CSMD1: variants seen among roughly 807,000 people sequenced by gnomAD.
CSMD1 encodes CUB and sushi domain-containing protein 1.
A neutral mutation model predicts 417.5 loss-of-function variants in CSMD1; 213 were observed. That is an observed-to-expected ratio of 0.51 (90% CI 0.46 to 0.57). CSMD1 has a LOEUF of 0.57. Among genes scored for constraint, CSMD1 ranks in the 20% least tolerant of loss-of-function variants. The pLI is 0.00. For missense variants in CSMD1, 6,923 were observed against 4,529.7 expected, an observed-to-expected ratio of 1.53 and a Z score of -15.17; for synonymous variants, 2,862 against 1,736.8, an observed-to-expected ratio of 1.65 and a Z score of -16.11.
At chr8:3,908,169 C>G (rs986646545) in intron 5 of CSMD1, among the ~76,000 whole-genome samples, 1 of 152,120 alleles carries the variant, frequency 6.6e-6, no homozygotes, top group Non-Finnish European at 1.5e-5. Context: ...ATTTATGCAT[C>G]AATGACCATG....
chr8:3,346,768 G>A (rs568453690), intron 22 of CSMD1, among the ~76,000 whole-genome samples: 2 of 152,298 alleles, frequency 1.3e-5, no homozygotes, highest in South Asian at 2.1e-4. Context: ...TATTCTCTTA[G>A]AAGTCTCATA....
intron 1 of CSMD1, among the ~76,000 whole-genome samples, chr8:4,864,909 C>A (rs1802339926): frequency 6.6e-6 from 1 of 150,570 alleles, no homozygotes; most frequent in Non-Finnish European, 1.5e-5. Flanking sequence ...CACACACACA[C>A]ACACTTGATA....
intron 3 of CSMD1, among the ~76,000 whole-genome samples, chr8:4,226,225 C>A (rs1407178512): frequency 6.6e-6 from 1 of 151,772 alleles, no homozygotes; most frequent in African/African-American, 2.4e-5. Flanking sequence ...TGAAAGGATC[C>A]CAGCAAAAAC....
At position 2,966,555 on chromosome 8, in the gene CSMD1, T is replaced by A; in HGVS notation, c.9100+15A>T. ...ATAGTAACGTCTGAGTCTACCATGA[T>A]GTCTGCTTACTAACTTGTGCAGTCG... On this transcript the variant is annotated intron_variant, in intron 58 of 69. Transcript: ENST00000635120. 6.2e-7 allele frequency: 1 copy of A among 1,609,536 alleles called. No individual in the cohort carries two copies. The highest frequency in any genetic ancestry group is 8.5e-7 in the Non-Finnish European group (1 of 1,176,452).
At chr8:3,257,503 C>T (rs986302801) in intron 26 of CSMD1, among the ~76,000 whole-genome samples, 22 of 152,190 alleles carry the variant, frequency 1.4e-4, no homozygotes, top group African/African-American at 3.9e-4. Context: ...AGTGACAGTG[C>T]GTTGGGATAA....
At chr8:4,070,510 AC>A (rs1799493442) in intron 3 of CSMD1, among the ~76,000 whole-genome samples, 1 of 152,026 alleles carries the variant, frequency 6.6e-6, no homozygotes, top group Non-Finnish European at 1.5e-5. Flanking sequence ...GGCGCCCGCC[AC>A]CACGGCCGGC....
At chr8:4,735,049 A>T (rs1226224056) in intron 1 of CSMD1, among the ~76,000 whole-genome samples, 2 of 152,246 alleles carry the variant, frequency 1.3e-5, no homozygotes, top group Non-Finnish European at 2.9e-5. Context: ...AGAACAAGTC[A>T]GTTCAGTAGA....
chr8:3,482,655 G>A (rs543629666), intron 11 of CSMD1, among the ~76,000 whole-genome samples: 11 of 152,238 alleles, frequency 7.2e-5, no homozygotes, highest in Admixed American at 2.6e-4. Context: ...TGACGAATAT[G>A]GAACTCTCAA....
intron 5 of CSMD1, among the ~76,000 whole-genome samples, chr8:3,963,717 A>G (rs991380306): frequency 2.6e-5 from 4 of 152,242 alleles, no homozygotes; most frequent in African/African-American, 9.6e-5. Flanking sequence ...ACAAACTGCA[A>G]TAATTTTGAT....
chr8:3,621,240 G>A (rs1485373851), intron 7 of CSMD1, among the ~76,000 whole-genome samples: 5 of 152,114 alleles, frequency 3.3e-5, no homozygotes, highest in Non-Finnish European at 5.9e-5. Flanking sequence ...GGCAGCCCTC[G>A]AAAATGAATC....
chr8:4,248,282 T>G (rs372087290), intron 3 of CSMD1, among the ~76,000 whole-genome samples: 3 of 152,158 alleles, frequency 2.0e-5, no homozygotes, highest in African/African-American at 7.2e-5. Context: ...CCACTATTCT[T>G]TATACAAACA....
At chr8:3,912,028 T>A (rs181595514) in intron 5 of CSMD1, among the ~76,000 whole-genome samples, 65 of 152,310 alleles carry the variant, frequency 4.3e-4, no homozygotes, top group Non-Finnish European at 6.8e-4. Flanking sequence ...TATAGACACA[T>A]ATGGAGTATA....
intron 12 of CSMD1, among the ~76,000 whole-genome samples, chr8:3,446,658 A>G (rs12678974): frequency 0.015 from 2,290 of 152,340 alleles, 54 homozygotes; most frequent in East Asian, 0.091. Flanking sequence ...TAGTTAGGAA[A>G]AAAATCTGGT....
intron 2 of CSMD1, among the ~76,000 whole-genome samples, chr8:4,476,883 G>C (rs994446751): frequency 6.6e-6 from 1 of 152,132 alleles, no homozygotes; most frequent in Non-Finnish European, 1.5e-5. Context: ...AGGCTTTTTT[G>C]TGAAGGAAAA....
chr8:2,942,273 T>TACATTTAACTAGGTA (rs1357774895), intron 69 of CSMD1, among the ~76,000 whole-genome samples, 199 bp downstream of exon 69: 3 of 151,780 alleles, frequency 2.0e-5, no homozygotes, highest in Non-Finnish European at 4.4e-5. Flanking sequence ...CACCCCGGCT[T>TACATTTAACTAGGTA]ACATTTAACT....
intron 41 of CSMD1, among the ~76,000 whole-genome samples, chr8:3,138,296 G>A (rs892993679): frequency 2.0e-5 from 3 of 152,130 alleles, no homozygotes; most frequent in African/African-American, 7.2e-5. Context: ...TCCAGGTTGG[G>A]ATGGCAGGGA....
chr8:4,081,268 C>T (rs1014231900), intron 3 of CSMD1, among the ~76,000 whole-genome samples: 2 of 152,180 alleles, frequency 1.3e-5, no homozygotes, highest in East Asian at 3.8e-4. Context: ...TTTTGAAATA[C>T]GCCCAGCGAT....
intron 10 of CSMD1, among the ~76,000 whole-genome samples, chr8:3,547,665 A>G (rs371903559): frequency 1.3e-5 from 2 of 152,228 alleles, no homozygotes; most frequent in Admixed American, 1.3e-4. Context: ...TAATTTAAAT[A>G]TACTACAACC....
At chr8:4,082,013 T>A (rs1800162463) in intron 3 of CSMD1, among the ~76,000 whole-genome samples, 1 of 152,004 alleles carries the variant, frequency 6.6e-6, no homozygotes, top group African/African-American at 2.4e-5. Flanking sequence ...TATATAAAAT[T>A]TTAAAAGGCA....
Sources: allele counts gnomAD v4.1 joint callset (sites outside exome capture counted in the v4.1 genomes callset), GRCh38; gene constraint gnomAD v4.1.1; transcripts MANE v1.5; gene names NCBI Gene and HGNC (gene_info 2026-07-23, HGNC 2026-07-21).